Variants in DENND1A observed in about 807,000 individuals in gnomAD.
DENND1A encodes DENN domain-containing protein 1A.
Under a neutral mutation model 113.7 loss-of-function variants are expected in DENND1A, and 51 were observed. The ratio of observed to expected loss-of-function variants is 0.45; its 90% CI spans 0.36 to 0.57. The LOEUF (loss-of-function observed/expected upper bound fraction) is 0.57, where lower values mean the gene tolerates loss of function less well. Among genes scored for constraint, DENND1A ranks in the 20% least tolerant of loss-of-function variants. The probability of loss-of-function intolerance (pLI) is 0.00; values close to 1 mark genes in which losing one functional copy is unlikely to be tolerated. For missense variants in DENND1A, 1,258 were observed against 1,395.9 expected, an observed-to-expected ratio of 0.90 and a Z score of 1.57; for synonymous variants, 565 against 570.8, an observed-to-expected ratio of 0.99 and a Z score of 0.14.
chr9:123,739,937 A>C (rs2068863556), intron 5 of DENND1A, among the ~76,000 whole-genome samples: 1 of 150,362 alleles, frequency 6.7e-6, no homozygotes, highest in South Asian at 2.1e-4. Context: ...AAAAAAAAAA[A>C]GGCTTCATAT....
In DENND1A at chr9:123,792,577, C is replaced by T. The variant is rs1433322053; in HGVS notation, c.132+10G>A. Reference sequence around the variant, plus strand: ...TTTGTCATGTAAAAAATTAATTACGCATTCCGAACCTGGTCACTGTAGTCC... The same window carrying T: ...TTTGTCATGTAAAAAATTAATTACGTATTCCGAACCTGGTCACTGTAGTCC... On this transcript the variant is annotated intron_variant, in intron 3 of 23. Transcript: ENST00000394215. 1 of 1,611,312 alleles carries T rather than the reference C, an allele frequency of 6.2e-7. No homozygotes were observed. The highest frequency in any genetic ancestry group is 1.1e-5 in the South Asian group (1 of 90,278).
At chr9:123,385,768 C>T (rs1274706262) in intron 22 of DENND1A, among the ~76,000 whole-genome samples, 1 of 152,202 alleles carries the variant, frequency 6.6e-6, no homozygotes. Flanking sequence ...CTATGTCACA[C>T]AGCACCCGCA....
At chr9:123,413,633 A>G in intron 19 of DENND1A, 1 of 985,456 alleles carries the variant, frequency 1.0e-6, no homozygotes, top group Non-Finnish European at 1.2e-6. Context: ...GCACATGGAG[A>G]ACACGATGGG....
intron 3 of DENND1A, among the ~76,000 whole-genome samples, chr9:123,773,747 C>G (rs141337715): frequency 2.0e-3 from 299 of 152,262 alleles, no homozygotes; most frequent in African/African-American, 7.1e-3. Flanking sequence ...CACAGACATA[C>G]ACACCCCATA....
chr9:123,671,496 G>A (rs1349995900), intron 6 of DENND1A, 125 bp from the exon 7 acceptor site: 1 of 863,902 alleles, frequency 1.2e-6, no homozygotes, highest in Non-Finnish European at 1.8e-6. Flanking sequence ...ACAGAAATAG[G>A]TTTGATATTC....
At chr9:123,843,399 A>T (rs1842117254) in intron 2 of DENND1A, 1 of 330,452 alleles carries the variant, frequency 3.0e-6, no homozygotes, top group South Asian at 2.7e-5. Context: ...TACTTTTACC[A>T]CTGTACCTTA....
At chr9:123,863,559 A>C (rs1412073434) in intron 2 of DENND1A, among the ~76,000 whole-genome samples, 3 of 152,280 alleles carry the variant, frequency 2.0e-5, no homozygotes, top group African/African-American at 4.8e-5. Flanking sequence ...TGTGCTGACA[A>C]ATTTGCCACT....
At chr9:123,525,313 G>A (rs909581597) in intron 13 of DENND1A, among the ~76,000 whole-genome samples, 3 of 152,170 alleles carry the variant, frequency 2.0e-5, no homozygotes, top group East Asian at 3.9e-4. Flanking sequence ...TGGCCTGCTC[G>A]GTTAAATTTA....
chr9:123,514,164 C>CT (rs1311891506), intron 13 of DENND1A, among the ~76,000 whole-genome samples: 7 of 150,828 alleles, frequency 4.6e-5, no homozygotes, highest in African/African-American at 1.7e-4. Flanking sequence ...AGGTGGGTGA[C>CT]TAAGGTATCT....
rs910371343 is a variant in DENND1A at position 123,806,941 on chromosome 9, G to A, written c.89-14311C>T. The stretch of plus-strand genomic sequence containing the variant: ...TCCAAACCTTAAAATCTATCTGAAG[G>A]AAATAGTCTGAAATGTAGGTACTTT... On this transcript the variant is annotated intron_variant, in intron 2 of 23. Coordinates refer to ENST00000394215, the MANE Select transcript of DENND1A (RefSeq NM_001352964.2). Among the ~76,000 whole-genome samples the A allele has an allele frequency of 9.2e-5, 14 of 152,106 alleles. No individual in the cohort carries two copies. In the East Asian group the frequency reaches 2.5e-3, roughly 27 times the overall value.
rs1048812463 is a variant in DENND1A at position 123,394,058 on chromosome 9, C to G, written c.1632-6200G>C. 1.2e-3 allele frequency among the ~76,000 whole-genome samples: 185 copies of G among 151,542 alleles called. 2 individuals carry two copies. Among genetic ancestry groups the G allele is most frequent in the Non-Finnish European group, 2.0e-3 (133 of 67,954 alleles). On this transcript the variant is annotated intron_variant, in intron 21 of 23. Transcript: ENST00000394215. ...CCAGGCTGGAGTGCAGTGGCACAATCTCGGCTCACTGCAACCTCCGCCTCA... is the reference window on the plus strand; with the variant it reads ...CCAGGCTGGAGTGCAGTGGCACAATGTCGGCTCACTGCAACCTCCGCCTCA...
intron 13 of DENND1A, among the ~76,000 whole-genome samples, chr9:123,475,546 C>T (rs542550709): frequency 3.0e-4 from 46 of 152,338 alleles, no homozygotes; most frequent in African/African-American, 8.4e-4. Flanking sequence ...CCCACTGAAG[C>T]GCGGGCTGCT....
intron 3 of DENND1A, among the ~76,000 whole-genome samples, chr9:123,770,584 T>C (rs2131638415): frequency 6.6e-6 from 1 of 152,356 alleles, no homozygotes; most frequent in South Asian, 2.1e-4. Context: ...TTGGTGCTTA[T>C]CATAAGTTCA....
At chr9:123,488,806 T>G (rs554066585) in intron 13 of DENND1A, among the ~76,000 whole-genome samples, 4 of 152,264 alleles carry the variant, frequency 2.6e-5, no homozygotes, top group African/African-American at 7.2e-5. Context: ...GTATCCCTCA[T>G]GCGGTGCGCT....
chr9:123,707,480 C>A (rs2066303621), intron 5 of DENND1A, among the ~76,000 whole-genome samples: 1 of 151,428 alleles, frequency 6.6e-6, no homozygotes, highest in South Asian at 2.1e-4. Context: ...TATGGAATAA[C>A]TGGCAAAGGA....
chr9:123,733,035 G>A (rs1055300526), intron 5 of DENND1A, among the ~76,000 whole-genome samples: 1 of 152,210 alleles, frequency 6.6e-6, no homozygotes, highest in Non-Finnish European at 1.5e-5. Context: ...AGGCTGGAGT[G>A]CAATGGCGCG....
chr9:123,660,052 T>C (rs1314500379), intron 8 of DENND1A, among the ~76,000 whole-genome samples: 1 of 152,174 alleles, frequency 6.6e-6, no homozygotes, highest in Non-Finnish European at 1.5e-5. Context: ...ATAGAACACA[T>C]CAATTCCAGG....
intron 1 of DENND1A, among the ~76,000 whole-genome samples, chr9:123,917,782 C>A (rs1303072420): frequency 6.6e-6 from 1 of 152,028 alleles, no homozygotes; most frequent in African/African-American, 2.4e-5. Context: ...CTGGGACACT[C>A]TGTCATACCA....
chr9:123,692,596 C>T (rs779231335), intron 5 of DENND1A, among the ~76,000 whole-genome samples: 2 of 152,134 alleles, frequency 1.3e-5, no homozygotes, highest in Admixed American at 1.3e-4. Flanking sequence ...GAAGGAACAG[C>T]GTATATTATT....
Sources: allele counts gnomAD v4.1 joint callset (sites outside exome capture counted in the v4.1 genomes callset), GRCh38; gene constraint gnomAD v4.1.1; transcripts MANE v1.5; gene names NCBI Gene and HGNC (gene_info 2026-07-23, HGNC 2026-07-21).